SLX9: variants seen among roughly 807,000 people sequenced by gnomAD.
SLX9 encodes ribosome biogenesis protein SLX9 homolog.
Under a neutral mutation model 20.8 loss-of-function variants are expected in SLX9, and 19 were observed. That is an observed-to-expected ratio of 0.91 (90% CI 0.64 to 1.34). The LOEUF (loss-of-function observed/expected upper bound fraction) is 1.34. Among genes scored for constraint, SLX9 ranks in the 40% most tolerant of loss-of-function variants. The pLI is 0.00. For missense variants in SLX9, 299 were observed against 322.2 expected (o/e 0.93, Z 0.55); for synonymous variants, 113 against 137.1 (o/e 0.82, Z 1.23).
chr21:44,941,681 C>T (rs2084551829), intron 1 of SLX9, among the ~76,000 whole-genome samples: 1 of 152,210 alleles, frequency 6.6e-6, no homozygotes, highest in Non-Finnish European at 1.5e-5. Flanking sequence ...CTTACAGAGT[C>T]CCTCTGCTCA....
intron 2 of SLX9, among the ~76,000 whole-genome samples, chr21:44,950,411 A>G (rs898710855): frequency 6.6e-6 from 1 of 152,224 alleles, no homozygotes; most frequent in Non-Finnish European, 1.5e-5. Flanking sequence ...TTGGGGTCAG[A>G]TGGCCTCGGC....
intron 3 of SLX9, among the ~76,000 whole-genome samples, chr21:44,963,092 C>CTT (rs770861444): frequency 3.3e-4 from 46 of 140,432 alleles, no homozygotes; most frequent in African/African-American, 5.9e-4. Flanking sequence ...CATTTTCTTT[C>CTT]TTTTTTTTTT....
intron 2 of SLX9, among the ~76,000 whole-genome samples, chr21:44,948,342 A>G: frequency 6.3e-5 from 7 of 110,726 alleles, no homozygotes; most frequent in African/African-American, 2.4e-4. Flanking sequence ...GCGTCCGGGG[A>G]GCTGGTCGTG....
At chr21:44,965,158 G>A (rs972197435) in intron 3 of SLX9, among the ~76,000 whole-genome samples, 1 of 152,166 alleles carries the variant, frequency 6.6e-6, no homozygotes, top group African/African-American at 2.4e-5. Context: ...AGCTGCACAG[G>A]TTTGACTAAA....
chr21:44,948,846 A>T (rs2084699211), intron 2 of SLX9, among the ~76,000 whole-genome samples: 1 of 152,172 alleles, frequency 6.6e-6, no homozygotes, highest in Non-Finnish European at 1.5e-5. Context: ...ACTGGCCTGG[A>T]TCTCATGCCT....
At position 44,941,869 on chromosome 21, in the gene SLX9, G is replaced by A. The variant is rs150340246; in HGVS notation, c.129+1683G>A. On this transcript the variant is annotated intron_variant, in intron 1 of 5. Coordinates refer to ENST00000291634, the MANE Select transcript of SLX9 (RefSeq NM_058190.4). The stretch of plus-strand genomic sequence containing the variant: ...TTCCTGGTCAGCAACACCCTTAGGC[G>A]TGAGAGCCCTCACACGAGCTGCAGA... Among the ~76,000 whole-genome samples the A allele has an allele frequency of 2.6e-3, 391 of 152,290 alleles. 3 individuals carry two copies. Among genetic ancestry groups the A allele is most frequent in the Non-Finnish European group, 4.1e-3 (280 of 68,036 alleles).
chr21:44,945,830 C>G (rs571464633), intron 2 of SLX9, among the ~76,000 whole-genome samples: 3 of 152,384 alleles, frequency 2.0e-5, no homozygotes, highest in Admixed American at 6.5e-5. Context: ...CCTGCCTCAG[C>G]CTCCTGAGTA....
At chr21:44,954,208 C>T (rs896476714) in intron 2 of SLX9, among the ~76,000 whole-genome samples, 2 of 152,122 alleles carry the variant, frequency 1.3e-5, no homozygotes, top group East Asian at 1.9e-4. Context: ...TTGGAGTCCA[C>T]GTTTCTTGTT....
At chr21:44,949,911 T>G (rs1230433040) in intron 2 of SLX9, among the ~76,000 whole-genome samples, 1 of 152,146 alleles carries the variant, frequency 6.6e-6, no homozygotes, top group African/African-American at 2.4e-5. Context: ...TTCCTGGCCG[T>G]CCCTCTGCCC....
chr21:44,939,959 G>T (rs981088627), upstream of SLX9: 18 of 1,277,054 alleles, frequency 1.4e-5, no homozygotes, highest in Non-Finnish European at 1.7e-5. Context: ...GCGGCCGCGG[G>T]GCTCCCGGCA....
At chr21:44,947,405 GC>G (rs2084663195) in intron 2 of SLX9, among the ~76,000 whole-genome samples, 1 of 152,190 alleles carries the variant, frequency 6.6e-6, no homozygotes, top group African/African-American at 2.4e-5. Flanking sequence ...GAGCTGGGTG[GC>G]CCAGGGGAGG....
At chr21:44,951,822 A>C (rs1208641880) in intron 2 of SLX9, among the ~76,000 whole-genome samples, 2 of 152,064 alleles carry the variant, frequency 1.3e-5, no homozygotes, top group South Asian at 2.1e-4. Context: ...CTTAGCTAGC[A>C]GTGTCTTCAG....
At chr21:44,947,009 C>T (rs1212876998) in intron 2 of SLX9, among the ~76,000 whole-genome samples, 1 of 152,236 alleles carries the variant, frequency 6.6e-6, no homozygotes, top group East Asian at 1.9e-4. Flanking sequence ...GCCCCAGCCC[C>T]TTTTCTTCAG....
At chr21:44,951,937 C>G (rs1006256419) in intron 2 of SLX9, among the ~76,000 whole-genome samples, 13 of 131,792 alleles carry the variant, frequency 9.9e-5, no homozygotes, top group Non-Finnish European at 1.5e-4. Context: ...GTGGGCTGCA[C>G]CTGTGCCTGA....
intron 1 of SLX9, among the ~76,000 whole-genome samples, chr21:44,941,075 TCTC>T (rs1350832039): frequency 1.3e-5 from 2 of 152,164 alleles, no homozygotes; most frequent in African/African-American, 2.4e-5. Flanking sequence ...TTCTTTCTCT[TCTC>T]CTGTTCCTCC....
At chr21:44,956,318 G>T (rs547982239) in intron 2 of SLX9, among the ~76,000 whole-genome samples, 3 of 152,244 alleles carry the variant, frequency 2.0e-5, no homozygotes, top group South Asian at 2.1e-4. Context: ...CAGTGGTTTT[G>T]TAGTAGTGCC....
intron 4 of SLX9, among the ~76,000 whole-genome samples, chr21:44,972,468 G>A (rs2085168984): frequency 6.6e-6 from 1 of 152,184 alleles, no homozygotes; most frequent in Non-Finnish European, 1.5e-5. Context: ...GTGGTTTGGA[G>A]ATCCCAGGAC....
chr21:44,963,997 C>T (rs183288180), intron 3 of SLX9, among the ~76,000 whole-genome samples: 220 of 152,350 alleles, frequency 1.4e-3, no homozygotes, highest in African/African-American at 5.1e-3. Flanking sequence ...ATCTATAGAT[C>T]AGTTCAGAAT....
In SLX9 at chr21:44,943,752, G is replaced by C. The variant is rs768312237; in HGVS notation, c.198G>C (p.Lys66Asn). The C allele has an allele frequency of 3.3e-5, 54 of 1,614,234 alleles. 1 individual carries two copies. In the Middle Eastern group the frequency reaches 6.6e-4, roughly 20 times the overall value. The change falls in exon 2 of 6, where the codon AAG becomes AAC. Residue 66 changes from lysine (K) to asparagine (N), a missense_variant. Transcript: ENST00000291634. ...TKIDPSALVQKLELDVRSVTS... is the reference protein window; with the variant it reads ...TKIDPSALVQNLELDVRSVTS... ...TAGACCCCAGCGCCTTGGTGCAGAAGCTGGAGCTGGACGTGAGGAGTGTCA... is the reference window on the plus strand; with the variant it reads ...TAGACCCCAGCGCCTTGGTGCAGAACCTGGAGCTGGACGTGAGGAGTGTCA...
Sources: gnomAD v4.1 joint callset for allele counts (sites outside exome capture counted in the v4.1 genomes callset) on GRCh38, gnomAD v4.1.1 for gene constraint, MANE v1.5 for transcripts, NCBI Gene and HGNC (gene_info 2026-07-23, HGNC 2026-07-21) for gene names.